The following AGBL4 variants were observed in gnomAD, a reference collection of about 807,000 sequenced individuals.
AGBL4 encodes AGBL carboxypeptidase 4.
Under a neutral mutation model 66.4 loss-of-function variants are expected in AGBL4, and 58 were observed. That is an observed-to-expected ratio of 0.87 (90% CI 0.71 to 1.09). AGBL4 has a LOEUF of 1.09. Among genes scored for constraint, AGBL4 ranks in the 50% least tolerant of loss-of-function variants. The pLI is 0.00. For synonymous variants in AGBL4, 234 were observed against 222.9 expected (o/e 1.05, Z -0.44); for missense variants, 579 against 631.0 (o/e 0.92, Z 0.88).
intron 3 of AGBL4, among the ~76,000 whole-genome samples, chr1:49,334,895 T>C (rs1321717121): frequency 1.3e-5 from 2 of 152,250 alleles, no homozygotes; most frequent in African/African-American, 2.4e-5. Context: ...CCTGGTTTTA[T>C]GTCCAACTGA....
At chr1:48,971,400 C>T (rs1186017965) in intron 5 of AGBL4, among the ~76,000 whole-genome samples, 1 of 151,972 alleles carries the variant, frequency 6.6e-6, no homozygotes, top group Non-Finnish European at 1.5e-5. Flanking sequence ...TTCTCTTCCA[C>T]AAAAACAGTC....
intron 4 of AGBL4, among the ~76,000 whole-genome samples, chr1:49,098,469 G>C (rs1014900065): frequency 3.3e-5 from 5 of 152,206 alleles, no homozygotes; most frequent in African/African-American, 1.2e-4. Context: ...GTGATCTGAG[G>C]ATAGGAAAAT....
At chr1:49,321,595 G>A (rs1362687070) in intron 3 of AGBL4, among the ~76,000 whole-genome samples, 2 of 152,142 alleles carry the variant, frequency 1.3e-5, no homozygotes, top group African/African-American at 4.8e-5. Flanking sequence ...TTAGAGAAAT[G>A]CTCACATATG....
intron 3 of AGBL4, among the ~76,000 whole-genome samples, chr1:49,432,894 T>G (rs1368713768): frequency 5.3e-5 from 8 of 152,192 alleles, no homozygotes. Flanking sequence ...ATTAAAGGGT[T>G]GGGACATTCA....
chr1:50,010,694 G>A (rs539664827), intron 1 of AGBL4, among the ~76,000 whole-genome samples: 1 of 152,038 alleles, frequency 6.6e-6, no homozygotes, highest in African/African-American at 2.4e-5. Flanking sequence ...TTTCAACAAA[G>A]GTGCCAAGAA....
chr1:49,133,121 G>A lies in AGBL4; in HGVS notation c.378-87321C>T, dbSNP rs12034698. Among the ~76,000 whole-genome samples the A allele has an allele frequency of 1.1e-3, 172 of 152,068 alleles. 2 individuals are homozygous for A. In the East Asian group the frequency reaches 0.018, roughly 16 times the overall value. ...GATGAAGCTAGAAACCATCATTCTC[G>A]GCAAACTAACACAGTAACAGAAAAC... On this transcript the variant is annotated intron_variant, in intron 4 of 13. Transcript: ENST00000371839.
intron 11 of AGBL4, among the ~76,000 whole-genome samples, chr1:48,580,467 G>A (rs1315655660): frequency 2.6e-5 from 4 of 152,224 alleles, no homozygotes; most frequent in Admixed American, 6.5e-5. Flanking sequence ...TTGGTCACAT[G>A]AGCAGCCTAT....
At chr1:49,072,381 G>A (rs1035535828) in intron 4 of AGBL4, among the ~76,000 whole-genome samples, 2 of 152,110 alleles carry the variant, frequency 1.3e-5, no homozygotes, top group East Asian at 1.9e-4. Context: ...GGCTGGTACC[G>A]GTTGTCCCTT....
rs150148941 is a variant in AGBL4, at chr1:49,308,515, G to A, written c.283-62651C>T. Among the ~76,000 whole-genome samples, 176 of 151,518 alleles carry A rather than the reference G, an allele frequency of 1.2e-3. 2 individuals are homozygous for A. The East Asian group carries it at 0.02, about 17-fold the overall frequency. On this transcript the variant is annotated intron_variant, in intron 3 of 13. Transcript: ENST00000371839. ...CTAATGTTAACAGCTGGTAAATTGA[G>A]GTCCAGAAAAAAAAAAGAAATATAC...
At chr1:48,930,142 C>A (rs1223682323) in intron 5 of AGBL4, among the ~76,000 whole-genome samples, 1 of 152,076 alleles carries the variant, frequency 6.6e-6, no homozygotes, top group East Asian at 1.9e-4. Flanking sequence ...TACTTGGGCC[C>A]AAATACGATC....
At chr1:49,461,097 A>C (rs1317458222) in intron 3 of AGBL4, among the ~76,000 whole-genome samples, 1 of 151,612 alleles carries the variant, frequency 6.6e-6, no homozygotes, top group Non-Finnish European at 1.5e-5. Flanking sequence ...TTTTTGCAAC[A>C]AATATCCCAG....
At chr1:49,437,672 T>G in intron 3 of AGBL4, among the ~76,000 whole-genome samples, 1 of 152,178 alleles carries the variant, frequency 6.6e-6, no homozygotes, top group East Asian at 1.9e-4. Context: ...CCCAAATCTA[T>G]GTGTGAAAGT....
chr1:48,668,508 A>T (rs1310331283), intron 6 of AGBL4, among the ~76,000 whole-genome samples: 1 of 152,128 alleles, frequency 6.6e-6, no homozygotes, highest in African/African-American at 2.4e-5. Flanking sequence ...AGCCCCAGCT[A>T]GCACTCCATG....
At chr1:49,896,756 A>T (rs1394188747) in intron 1 of AGBL4, among the ~76,000 whole-genome samples, 2 of 151,882 alleles carry the variant, frequency 1.3e-5, no homozygotes, top group Non-Finnish European at 2.9e-5. Context: ...ATCATTCCTC[A>T]TGCATGACCA....
intron 5 of AGBL4, among the ~76,000 whole-genome samples, chr1:48,893,081 C>G (rs948416419): frequency 2.0e-5 from 3 of 152,060 alleles, no homozygotes. Flanking sequence ...TGAGAACACC[C>G]CTACAAAAAT....
At chr1:49,201,378 C>A (rs1199443905) in intron 4 of AGBL4, among the ~76,000 whole-genome samples, 3 of 152,084 alleles carry the variant, frequency 2.0e-5, no homozygotes, top group Non-Finnish European at 4.4e-5. Flanking sequence ...ATATCAGAAA[C>A]CTTAGTGAGT....
At chr1:49,219,415 G>A (rs1570109895) in intron 4 of AGBL4, among the ~76,000 whole-genome samples, 1 of 152,046 alleles carries the variant, frequency 6.6e-6, no homozygotes, top group African/African-American at 2.4e-5. Flanking sequence ...TCTTTTGAAA[G>A]AAAATATCTG....
intron 4 of AGBL4, among the ~76,000 whole-genome samples, chr1:49,118,285 G>T (rs764090606): frequency 6.6e-6 from 1 of 152,230 alleles, no homozygotes; most frequent in East Asian, 1.9e-4. Context: ...GAGCATCCTT[G>T]TCTTGTGCTG....
At chr1:49,507,661 T>C (rs1648821929) in intron 3 of AGBL4, among the ~76,000 whole-genome samples, 1 of 151,952 alleles carries the variant, frequency 6.6e-6, no homozygotes, top group South Asian at 2.1e-4. Flanking sequence ...TATTGATAAA[T>C]GTTTTTAAGT....
Sources: allele counts gnomAD v4.1 joint callset (sites outside exome capture counted in the v4.1 genomes callset), GRCh38; gene constraint gnomAD v4.1.1; transcripts MANE v1.5; gene names NCBI Gene and HGNC (gene_info 2026-07-23, HGNC 2026-07-21).